Variants in MSH3 observed in about 807,000 individuals in gnomAD.
MSH3 encodes mutS homolog 3.
In MSH3, 106 loss-of-function variants were observed where a neutral mutation model predicts 123.3. The observed-to-expected ratio is 0.86, with a 90% CI of 0.73 to 1.01. The LOEUF (loss-of-function observed/expected upper bound fraction) is 1.01. MSH3 is among the 50% of genes least tolerant of loss of function. The pLI is 0.00. For missense variants in MSH3, 1,459 were observed against 1,347.6 expected, an observed-to-expected ratio of 1.08 and a Z score of -1.29; for synonymous variants, 515 against 481.4, an observed-to-expected ratio of 1.07 and a Z score of -0.91.
At chr5:80,865,505 T>C (rs1746083988) in intron 22 of MSH3, among the ~76,000 whole-genome samples, 1 of 152,190 alleles carries the variant, frequency 6.6e-6, no homozygotes. Flanking sequence ...TTCTCTTCTG[T>C]TCCCCTCTGC....
At chr5:80,679,606 G>C (rs890487075) in intron 8 of MSH3, among the ~76,000 whole-genome samples, 1 of 152,216 alleles carries the variant, frequency 6.6e-6, no homozygotes, top group Non-Finnish European at 1.5e-5. Flanking sequence ...ATTCATGGCT[G>C]TGTCCAGTGG....
chr5:80,796,447 T>C (rs919444338), intron 19 of MSH3, among the ~76,000 whole-genome samples: 1 of 152,056 alleles, frequency 6.6e-6, no homozygotes, highest in Non-Finnish European at 1.5e-5. Context: ...GGAGTTGATA[T>C]AGAACTGTTG....
intron 19 of MSH3, among the ~76,000 whole-genome samples, chr5:80,800,217 G>A (rs1013173628): frequency 4.6e-5 from 7 of 152,204 alleles, no homozygotes; most frequent in Admixed American, 4.6e-4. Context: ...AGTCCCTTCA[G>A]CGCAATACTT....
intron 20 of MSH3, among the ~76,000 whole-genome samples, chr5:80,849,356 C>T (rs1455626262): frequency 6.6e-6 from 1 of 152,186 alleles, no homozygotes; most frequent in African/African-American, 2.4e-5. Context: ...CTTCTTCTCA[C>T]AGTTCCACTA....
At chr5:80,766,481 A>G (rs1409170950) in intron 13 of MSH3, among the ~76,000 whole-genome samples, 1 of 150,648 alleles carries the variant, frequency 6.6e-6, no homozygotes, top group Non-Finnish European at 1.5e-5. Flanking sequence ...AGTCACTGGG[A>G]TCACAGGCGA....
intron 19 of MSH3, among the ~76,000 whole-genome samples, chr5:80,805,342 C>G (rs1205149373): frequency 6.6e-6 from 1 of 152,190 alleles, no homozygotes; most frequent in Non-Finnish European, 1.5e-5. Flanking sequence ...GAAAAAACTT[C>G]TCCATACACT....
intron 20 of MSH3, among the ~76,000 whole-genome samples, chr5:80,817,423 T>C (rs1745124261): frequency 6.6e-6 from 1 of 152,216 alleles, no homozygotes; most frequent in African/African-American, 2.4e-5. Flanking sequence ...TTAGTACAGG[T>C]GATACTGCAA....
At chr5:80,832,383 G>A (rs370784759) in intron 20 of MSH3, among the ~76,000 whole-genome samples, 3 of 152,270 alleles carry the variant, frequency 2.0e-5, no homozygotes, top group Admixed American at 2.0e-4. Flanking sequence ...ACTTTAGGAG[G>A]CTGAGGTGGG....
intron 22 of MSH3, among the ~76,000 whole-genome samples, chr5:80,866,120 T>G (rs245339): frequency 0.86 from 131,383 of 152,202 alleles, 56,802 homozygotes; most frequent in East Asian, 1. Context: ...AAATGTTCTG[T>G]GCATTTTATT....
intron 8 of MSH3, among the ~76,000 whole-genome samples, chr5:80,686,587 G>A (rs778511212): frequency 7.9e-5 from 12 of 151,902 alleles, no homozygotes; most frequent in African/African-American, 2.2e-4. Context: ...TACAATTATC[G>A]TATCCTTTTG....
intron 19 of MSH3, among the ~76,000 whole-genome samples, chr5:80,799,080 G>A (rs918742820): frequency 2.6e-5 from 4 of 152,166 alleles, no homozygotes; most frequent in African/African-American, 9.7e-5. Flanking sequence ...GATAGACCAC[G>A]ATTACTTGCT....
Position 80,792,780 on chromosome 5 carries a change from A to G in MSH3, c.2591A>G (p.His864Arg). ...AAAATTGTAATAAAAAATGGAAGGC[A>G]CCCTGTGATTGATGTGTTGCTGGGA... is the stretch of plus-strand genomic sequence containing the variant. Reference protein sequence around the residue: ...ERKIVIKNGRHPVIDVLLGEQ... With the variant: ...ERKIVIKNGRRPVIDVLLGEQ... The change falls in exon 19 of 24, where the codon CAC becomes CGC. Residue 864 changes from histidine to arginine, a missense_variant. Coordinates refer to ENST00000265081, the MANE Select transcript of MSH3 (RefSeq NM_002439.5). 6.2e-7 allele frequency: 1 copy of G among 1,613,566 alleles called. No homozygotes were observed. The highest frequency in any genetic ancestry group is 8.5e-7 in the Non-Finnish European group (1 of 1,179,668).
chr5:80,657,291 A>G (rs923944091), intron 2 of MSH3, among the ~76,000 whole-genome samples: 1 of 152,118 alleles, frequency 6.6e-6, no homozygotes, highest in Non-Finnish European at 1.5e-5. Context: ...AAATACAAAA[A>G]TTAGTTGGGC....
Position 80,775,730 on chromosome 5 carries a change from A to G in MSH3, c.2290A>G (p.Ile764Val), listed in dbSNP as rs146657445. 2.5e-6 allele frequency: 4 copies of G among 1,588,752 alleles called. No individual in the cohort carries two copies. The highest frequency in any genetic ancestry group is 2.6e-6 in the Non-Finnish European group (3 of 1,157,326). ...AATAAAGAACTCTGCTGTATCTTGT[A>G]TACCAACTGATTGGGTAAAGGTTGG... ...IEIKNSAVSC[I>V]PTDWVKVGST... Residue 764 changes from isoleucine to valine, a missense_variant, in exon 16 of 24, where the codon ATA becomes GTA. By Grantham distance (29) the Ile-to-Val change is conservative (BLOSUM62 3). Transcript: ENST00000265081.
intron 8 of MSH3, among the ~76,000 whole-genome samples, chr5:80,707,907 T>C (rs889686949): frequency 1.3e-5 from 2 of 152,250 alleles, no homozygotes; most frequent in Non-Finnish European, 2.9e-5. Context: ...ATTTTTAACT[T>C]GCTTTTTCTT....
intron 15 of MSH3, among the ~76,000 whole-genome samples, chr5:80,769,953 T>G (rs977836147): frequency 6.6e-6 from 1 of 152,170 alleles, no homozygotes; most frequent in Non-Finnish European, 1.5e-5. Flanking sequence ...TTCATAGATT[T>G]ACCCATTAAG....
At chr5:80,821,045 C>CT (rs1395302508) in intron 20 of MSH3, among the ~76,000 whole-genome samples, 1 of 152,164 alleles carries the variant, frequency 6.6e-6, no homozygotes. Flanking sequence ...AATCATGATA[C>CT]TTATATTTCA....
At chr5:80,866,225 A>G (rs1169043288) in intron 22 of MSH3, among the ~76,000 whole-genome samples, 2 of 150,766 alleles carry the variant, frequency 1.3e-5, no homozygotes, top group Non-Finnish European at 1.5e-5. Flanking sequence ...TGCAGACACA[A>G]CCTCCCAGGC....
intron 20 of MSH3, among the ~76,000 whole-genome samples, chr5:80,825,932 C>G (rs569319088): frequency 4.8e-4 from 73 of 152,344 alleles, no homozygotes; most frequent in African/African-American, 1.7e-3. Context: ...TTCTGACAAA[C>G]TGCCAGGCTT....
Sources: gnomAD v4.1 joint callset for allele counts (sites outside exome capture counted in the v4.1 genomes callset) on GRCh38, gnomAD v4.1.1 for gene constraint, MANE v1.5 for transcripts, NCBI Gene and HGNC (gene_info 2026-07-23, HGNC 2026-07-21) for gene names.